Variants in HPSE2 observed in about 807,000 individuals in gnomAD.
HPSE2 encodes heparanase 2 (inactive).
Under a neutral mutation model 60.5 loss-of-function variants are expected in HPSE2, and 38 were observed. The observed-to-expected ratio is 0.63, with a 90% CI of 0.48 to 0.82. HPSE2 has a LOEUF of 0.82. HPSE2 is among the 40% of genes least tolerant of loss of function. HPSE2 has a pLI of 0.00. For missense variants in HPSE2, 713 were observed against 740.4 expected (o/e 0.96, Z 0.43); for synonymous variants, 295 against 293.2 (o/e 1.01, Z -0.06).
At chr10:98,823,453 T>C (rs1030347382) in intron 3 of HPSE2, among the ~76,000 whole-genome samples, 16 of 152,008 alleles carry the variant, frequency 1.1e-4, no homozygotes, top group Admixed American at 9.2e-4. Context: ...ATCCAATCTC[T>C]ACAAAAACTA....
intron 11 of HPSE2, among the ~76,000 whole-genome samples, chr10:98,470,437 C>T (rs1271517125): frequency 2.0e-5 from 3 of 152,132 alleles, no homozygotes; most frequent in Non-Finnish European, 2.9e-5. Flanking sequence ...GCTCCAGGCC[C>T]CTTGTCTGGA....
chr10:99,306,251 A>AT, the HPSE2 span, among the ~76,000 whole-genome samples: 2 of 151,992 alleles, frequency 1.3e-5, no homozygotes. Flanking sequence ...GTTTGATTCC[A>AT]TTTTTTGGCA....
chr10:98,509,341 A>T (rs12146249), intron 9 of HPSE2, among the ~76,000 whole-genome samples: 6 of 151,490 alleles, frequency 4.0e-5, no homozygotes, highest in Admixed American at 6.6e-5. Flanking sequence ...AAACAGAAGA[A>T]GAAAAAAAGA....
intron 3 of HPSE2, among the ~76,000 whole-genome samples, chr10:98,768,604 T>G (rs1350155177): frequency 6.6e-6 from 1 of 152,244 alleles, no homozygotes; most frequent in Non-Finnish European, 1.5e-5. Context: ...ACATGTTTAC[T>G]GTTTGTTTTA....
Position 99,159,933 on chromosome 10 carries a change from G to A in HPSE2, c.449-15534C>T, listed in dbSNP as rs548461729. 2.6e-5 allele frequency among the ~76,000 whole-genome samples: 4 copies of A among 152,118 alleles called. No individual in the cohort carries two copies. In the East Asian group the frequency reaches 5.8e-4, roughly 22 times the overall value. ...AGGTGGGCGGATCACTTGAAGCCAG[G>A]GGCTCAAGACCAGCCTGGCCAACAT... On this transcript the variant is annotated intron_variant, in intron 2 of 11. Coordinates refer to ENST00000370552, the MANE Select transcript of HPSE2 (RefSeq NM_021828.5).
At chr10:98,734,330 G>A (rs113810636) in intron 4 of HPSE2, among the ~76,000 whole-genome samples, 5 of 152,224 alleles carry the variant, frequency 3.3e-5, no homozygotes, top group African/African-American at 1.2e-4. Context: ...AGAAGTTTTT[G>A]TATGGATGTA....
chr10:98,934,645 C>G (rs1026028196), intron 3 of HPSE2, among the ~76,000 whole-genome samples: 3 of 144,132 alleles, frequency 2.1e-5, no homozygotes, highest in Non-Finnish European at 4.5e-5. Flanking sequence ...CTCAGAGGTC[C>G]ACTGTTAGTG....
At chr10:98,988,082 T>C (rs971325256) in intron 3 of HPSE2, among the ~76,000 whole-genome samples, 33 of 152,224 alleles carry the variant, frequency 2.2e-4, no homozygotes, top group Admixed American at 5.2e-4. Context: ...AGGTAATTTA[T>C]AGATTCAATG....
intron 3 of HPSE2, among the ~76,000 whole-genome samples, chr10:98,869,428 C>T (rs1391510263): frequency 1.3e-5 from 2 of 152,130 alleles, no homozygotes. Flanking sequence ...ACACTTACTA[C>T]AACAATGTTG....
intron 5 of HPSE2, among the ~76,000 whole-genome samples, chr10:98,712,542 G>A (rs12777087): frequency 0.5 from 75,472 of 151,930 alleles, 20,985 homozygotes; most frequent in South Asian, 0.75. Flanking sequence ...TAGTAGAAGT[G>A]TTGTTGATTA....
intron 3 of HPSE2, among the ~76,000 whole-genome samples, chr10:98,920,590 C>G (rs1954254636): frequency 6.6e-6 from 1 of 152,260 alleles, no homozygotes; most frequent in East Asian, 1.9e-4. Flanking sequence ...CAGTGTTTAA[C>G]AGCCCTCACT....
chr10:98,732,318 A>G (rs1396420871), intron 4 of HPSE2, among the ~76,000 whole-genome samples: 1 of 152,190 alleles, frequency 6.6e-6, no homozygotes, highest in African/African-American at 2.4e-5. Context: ...CACCCAGGAT[A>G]GCCAAATTAA....
chr10:99,144,741 A>G (rs1845987169), intron 2 of HPSE2, among the ~76,000 whole-genome samples: 1 of 152,142 alleles, frequency 6.6e-6, no homozygotes. Flanking sequence ...CATGGGAAAA[A>G]GTATTATAAT....
At chr10:98,831,845 T>C (rs1565195731) in intron 3 of HPSE2, among the ~76,000 whole-genome samples, 1 of 152,184 alleles carries the variant, frequency 6.6e-6, no homozygotes, top group Non-Finnish European at 1.5e-5. Flanking sequence ...ACTAAGATCA[T>C]CATTCAAGAT....
chr10:99,080,166 T>C (rs1452153149), intron 3 of HPSE2, among the ~76,000 whole-genome samples: 2 of 152,078 alleles, frequency 1.3e-5, no homozygotes, highest in Non-Finnish European at 2.9e-5. Context: ...GAAAGGAGAG[T>C]CTAGAGCTTC....
intron 3 of HPSE2, among the ~76,000 whole-genome samples, chr10:99,129,287 T>C (rs558118087): frequency 6.6e-6 from 1 of 152,276 alleles, no homozygotes; most frequent in Non-Finnish European, 1.5e-5. Flanking sequence ...ACAAATGGAC[T>C]TAGCAGATAT....
chr10:98,779,958 G>T (rs998326928), intron 3 of HPSE2, among the ~76,000 whole-genome samples: 1 of 152,104 alleles, frequency 6.6e-6, no homozygotes, highest in African/African-American at 2.4e-5. Context: ...CCACACATTA[G>T]TTACAAGCAC....
chr10:98,465,701 G>A (rs141231941), intron 11 of HPSE2, among the ~76,000 whole-genome samples: 65 of 152,186 alleles, frequency 4.3e-4, no homozygotes, highest in African/African-American at 1.3e-3. Flanking sequence ...TTTGAAAACC[G>A]TCCTTATCAT....
At chr10:98,731,245 C>T (rs537947179) in intron 4 of HPSE2, among the ~76,000 whole-genome samples, 1 of 152,320 alleles carries the variant, frequency 6.6e-6, no homozygotes, top group Admixed American at 6.5e-5. Flanking sequence ...TGCCACTGCA[C>T]TCCAGTCTGG....
Sources: gnomAD v4.1 joint callset for allele counts (sites outside exome capture counted in the v4.1 genomes callset) on GRCh38, gnomAD v4.1.1 for gene constraint, MANE v1.5 for transcripts, NCBI Gene and HGNC (gene_info 2026-07-23, HGNC 2026-07-21) for gene names.